Variants in NFKBID observed in about 807,000 individuals in gnomAD.
NFKBID encodes NF-kappa-B inhibitor delta.
Under a neutral mutation model 53.4 loss-of-function variants are expected in NFKBID, and 26 were observed. The ratio of observed to expected loss-of-function variants is 0.49; its 90% CI spans 0.36 to 0.68. The LOEUF (loss-of-function observed/expected upper bound fraction) is 0.68, where lower values mean the gene tolerates loss of function less well. NFKBID is among the 30% of genes least tolerant of loss of function. NFKBID has a pLI of 0.00. For missense variants in NFKBID, 493 were observed against 614.1 expected, an observed-to-expected ratio of 0.80 and a Z score of 2.08; for synonymous variants, 262 against 259.8, an observed-to-expected ratio of 1.01 and a Z score of -0.08.
upstream of NFKBID, among the ~76,000 whole-genome samples, chr19:35,901,037 T>C (rs567753710): frequency 9.2e-5 from 14 of 152,160 alleles, no homozygotes; most frequent in South Asian, 2.9e-3. Context: ...TTCACCGTGT[T>C]GGCCAGGCTG....
At chr19:35,892,198 T>C (rs1253570741) in intron 9 of NFKBID, among the ~76,000 whole-genome samples, 2 of 151,764 alleles carry the variant, frequency 1.3e-5, no homozygotes, top group Non-Finnish European at 2.9e-5. Context: ...ACCACAGGCA[T>C]GTGCCATCAA....
At position 35,896,804 on chromosome 19, in the gene NFKBID, C is replaced by G; in HGVS notation, c.606G>C (p.Gly202=). Residue 202 remains glycine (G), a synonymous_variant, in exon 6 of 12, where the codon GGG becomes GGC. Transcript: ENST00000641389. This position sits in a 1 kb window ranked among gnomAD's most constrained non-coding sequence, Gnocchi z 5.7. Reference sequence around the variant, plus strand: ...CCGCAGCATATGCCGCCCAGCGCAGCCCCCGAGCCGCAAACAGGTGAAGGA... The same window carrying G: ...CCGCAGCATATGCCGCCCAGCGCAGGCCCCGAGCCGCAAACAGGTGAAGGA... The G allele has an allele frequency of 6.2e-7, 1 of 1,614,024 alleles. No homozygotes were observed. Among genetic ancestry groups the G allele is most frequent in the Non-Finnish European group, 8.5e-7 (1 of 1,179,906 alleles).
intron 9 of NFKBID, among the ~76,000 whole-genome samples, chr19:35,894,187 A>G (rs1974974350): frequency 6.6e-6 from 1 of 151,778 alleles, no homozygotes; most frequent in African/African-American, 2.4e-5. Flanking sequence ...TGAACCCGGG[A>G]GGCAGAGGTT....
upstream of NFKBID, chr19:35,900,714 G>A (rs1975516772): frequency 9.0e-7 from 1 of 1,115,712 alleles, no homozygotes; most frequent in Non-Finnish European, 1.1e-6. Flanking sequence ...CGGGAAGGAG[G>A]GAGCTGGGGT....
intron 9 of NFKBID, among the ~76,000 whole-genome samples, chr19:35,891,427 T>C (rs1974752114): frequency 6.6e-6 from 1 of 152,150 alleles, no homozygotes; most frequent in Non-Finnish European, 1.5e-5. Context: ...CATCATAATA[T>C]GTGTGCTTAT....
intron 9 of NFKBID, chr19:35,890,814 T>C (rs184465599): frequency 3.8e-5 from 14 of 369,190 alleles, no homozygotes; most frequent in Middle Eastern, 9.2e-4. Context: ...CAGTGGGCCA[T>C]GACCACACCA....
At position 35,890,558 on chromosome 19, in the gene NFKBID, G is replaced by C. The variant is rs760518657; in HGVS notation, c.1033-68C>G. The C allele has an allele frequency of 7.4e-6, 8 of 1,085,526 alleles. 1 individual carries two copies. Among genetic ancestry groups the C allele is most frequent in the Non-Finnish European group, 1.1e-5 (8 of 697,444 alleles). The allele number at this position is 1,085,526 out of a possible 1,614,324, so 67.2% of individuals were successfully genotyped here. A position where few individuals can be genotyped will look rare whatever the true frequency, so the allele number is the denominator to read the frequency against. On this transcript the variant is annotated intron_variant, in intron 9 of 11. Coordinates refer to ENST00000641389, the Ensembl canonical transcript of NFKBID. ...CTAGGTGCCCTCCCACAGAATCCAG[G>C]AGTCTTTAAAGACCCTGACCCTTGG... is the stretch of plus-strand genomic sequence containing the variant.
At position 35,896,709 on chromosome 19, in the gene NFKBID, C is replaced by T; in HGVS notation, c.684+17G>A. On this transcript the variant is annotated intron_variant, in intron 6 of 11. Transcript: ENST00000641389. The surrounding 1 kb of genome is among the most constrained non-coding windows in gnomAD (Gnocchi z 5.7). ...TTCCTCCCCTGAACCCAGGAGAGTT[C>T]AGGCCCCAAGCCTCACCTTGCCCTT... 6.2e-7 allele frequency: 1 copy of T among 1,610,384 alleles called. No individual in the cohort carries two copies. Among genetic ancestry groups the T allele is most frequent in the Non-Finnish European group, 8.5e-7 (1 of 1,177,400 alleles).
intron 9 of NFKBID, chr19:35,890,695 CT>C (rs1974705390): frequency 1.1e-5 from 7 of 624,662 alleles, no homozygotes; most frequent in Non-Finnish European, 2.1e-5. Context: ...AAGACCTCAT[CT>C]CTACAAAAAA....
At chr19:35,892,859 C>A (rs1232549541) in intron 9 of NFKBID, among the ~76,000 whole-genome samples, 1 of 152,162 alleles carries the variant, frequency 6.6e-6, no homozygotes, top group Non-Finnish European at 1.5e-5. Context: ...AGAAAGTGGT[C>A]TTTTCTTATT....
intron 4 of NFKBID, among the ~76,000 whole-genome samples, 198 bp from the exon 5 acceptor site, chr19:35,897,256 G>C (rs985560430): frequency 6.6e-6 from 1 of 150,438 alleles, no homozygotes; most frequent in Non-Finnish European, 1.5e-5. Flanking sequence ...CCTGGAAAAG[G>C]GTATTTTTTT....
intron 1 of NFKBID, among the ~76,000 whole-genome samples, chr19:35,900,168 A>C (rs964781606): frequency 5.0e-5 from 7 of 141,126 alleles, no homozygotes; most frequent in African/African-American, 1.9e-4. Context: ...AAGGACCCAG[A>C]GATCCAGCCT....
intron 10 of NFKBID, 54 bp from the exon 11 acceptor site, chr19:35,890,108 T>C (rs953205006): frequency 6.6e-6 from 10 of 1,512,690 alleles, no homozygotes; most frequent in Non-Finnish European, 7.1e-6. Flanking sequence ...GGCCCAGGCC[T>C]CTAAACTGCA....
exon 4 of NFKBID, chr19:35,897,714 C>G: frequency 1.2e-6 from 2 of 1,612,846 alleles, no homozygotes; most frequent in Non-Finnish European, 1.7e-6. Flanking sequence ...AGTCAGGAGG[C>G]AGGAAATTTT....
chr19:35,888,985 C>T (rs1974562522), intron 11 of NFKBID, among the ~76,000 whole-genome samples: 2 of 150,906 alleles, frequency 1.3e-5, no homozygotes, highest in East Asian at 1.9e-4. Flanking sequence ...GTGGAGCTTG[C>T]GGTGAGCTAA....
chr19:35,896,925 T>C lies in NFKBID; in HGVS notation c.566A>G (p.Glu189Gly). Residue 189 changes from glutamate to glycine, a missense_variant, in exon 5 of 12, where the codon GAG (glutamate) becomes GGG (glycine). Physicochemically the swap from Glu to Gly is moderately conservative, Grantham distance 98 (BLOSUM62 -2). Around this residue, in one of 2 missense-constraint regions of NFKBID, gnomAD observed 267 missense variants for 384.6 expected, o/e 0.69. Coordinates refer to ENST00000641389, the Ensembl canonical transcript of NFKBID. This position sits in a 1 kb window ranked among gnomAD's most constrained non-coding sequence, Gnocchi z 5.7. ...CCCTTATACTCACGTGTCCCCCTCC[T>C]CATCCTGGGCCAGCAGCTGCTGTGG... 1 of 1,607,414 alleles carries C rather than the reference T, an allele frequency of 6.2e-7. No homozygotes were observed. The highest frequency in any genetic ancestry group is 8.5e-7 in the Non-Finnish European group (1 of 1,175,592).
chr19:35,893,858 T>G (rs959748977), intron 9 of NFKBID, among the ~76,000 whole-genome samples: 1 of 150,878 alleles, frequency 6.6e-6, no homozygotes, highest in Non-Finnish European at 1.5e-5. Context: ...AGAGAGTGGA[T>G]GGGGCAGGAC....
chr19:35,894,990 T>C (rs1432611091), intron 9 of NFKBID, among the ~76,000 whole-genome samples: 1 of 150,880 alleles, frequency 6.6e-6, no homozygotes, highest in East Asian at 1.9e-4. Context: ...CAAAACTCCA[T>C]CTCAAAAAGA....
chr19:35,892,240 TG>T (rs1974818157), intron 9 of NFKBID, among the ~76,000 whole-genome samples: 1 of 151,882 alleles, frequency 6.6e-6, no homozygotes, highest in Non-Finnish European at 1.5e-5. Context: ...TTTTTAGAGA[TG>T]GGGTCTCCCT....
Sources: gnomAD v4.1 joint callset for allele counts (sites outside exome capture counted in the v4.1 genomes callset) on GRCh38, gnomAD v4.1.1 for gene constraint, gnomAD v4.1.1 regional missense constraint, Gnocchi (gnomAD v3.1) non-coding constraint, MANE v1.5 for transcripts, NCBI Gene and HGNC (gene_info 2026-07-23, HGNC 2026-07-21) for gene names.